The following TTL variants were observed in gnomAD, a reference collection of about 807,000 sequenced individuals.
TTL encodes the protein tubulin--tyrosine ligase.
A neutral mutation model predicts 41.1 loss-of-function variants in TTL; 10 were observed. The observed-to-expected ratio is 0.24, with a 90% confidence interval of 0.15 to 0.41. The LOEUF (loss-of-function observed/expected upper bound fraction) is 0.41. Ranked by LOEUF, TTL falls within the 10% of genes least tolerant of loss-of-function variation. The pLI is 1.00. For synonymous variants in TTL, 175 were observed against 175.5 expected (o/e 1.00, Z 0.02); for missense variants, 367 against 460.4 (o/e 0.80, Z 1.86).
At chr2:112,513,619 A>C (rs537397054) in intron 5 of TTL, among the ~76,000 whole-genome samples, 2 of 149,004 alleles carry the variant, frequency 1.3e-5, no homozygotes, top group African/African-American at 5.0e-5. Context: ...ATAAGTATAA[A>C]TATTTATACA....
chr2:112,499,822 C>T (rs1681642720), intron 3 of TTL, among the ~76,000 whole-genome samples: 1 of 152,006 alleles, frequency 6.6e-6, no homozygotes, highest in South Asian at 2.1e-4. Context: ...ACAGTAAGAC[C>T]CCAGCTCTAC....
chr2:112,503,959 C>T (rs1681772726), intron 5 of TTL, among the ~76,000 whole-genome samples: 1 of 80,342 alleles, frequency 1.2e-5, no homozygotes, highest in African/African-American at 4.8e-5. Context: ...GCTATCCCTC[C>T]CCCCTCCCCC....
Position 112,531,128 on chromosome 2 carries a change from C to T in TTL, c.*2333C>T, listed in dbSNP as rs1439113991. 1 of 211,010 alleles carries T rather than the reference C, an allele frequency of 4.7e-6. No homozygotes were observed. The highest frequency in any genetic ancestry group is 2.3e-5 in the African/African-American group (1 of 44,092). 13.1% of individuals were successfully genotyped at this position (211,010 alleles called of 1,614,324 possible). ...CTGAGTAGCTGAGACTACAGGTGCA[C>T]ACCACCAAGCCTGGCTTTATGTATT... is the stretch of plus-strand genomic sequence containing the variant. On this transcript the variant is annotated 3_prime_UTR_variant, in exon 7 of 7. Coordinates refer to ENST00000233336, the MANE Select transcript of TTL (RefSeq NM_153712.5).
intron 3 of TTL, among the ~76,000 whole-genome samples, chr2:112,500,952 C>T (rs567536609): frequency 9.3e-4 from 138 of 148,924 alleles, no homozygotes; most frequent in African/African-American, 3.3e-3. Context: ...TTCTGTAAAA[C>T]TGACGTTTCA....
chr2:112,490,983 C>A (rs542987358), intron 2 of TTL, among the ~76,000 whole-genome samples: 1 of 151,788 alleles, frequency 6.6e-6, no homozygotes, highest in Non-Finnish European at 1.5e-5. Flanking sequence ...TTTAAAATAT[C>A]TATACTATGA....
In TTL at chr2:112,531,778, T is replaced by A. The variant is rs1178115461; in HGVS notation, c.*2983T>A. 4.5e-6 allele frequency: 1 copy of A among 224,416 alleles called. No homozygotes were observed. Among genetic ancestry groups the A allele is most frequent in the African/African-American group, 2.2e-5 (1 of 44,928 alleles). 13.9% of individuals were successfully genotyped at this position (224,416 alleles called of 1,614,324 possible). A position where few individuals can be genotyped will look rare whatever the true frequency, so the allele number is the denominator to read the frequency against. On this transcript the variant is annotated 3_prime_UTR_variant, in exon 7 of 7. Transcript: ENST00000233336. ...ATTTATGGCACAAGCAGGTGTTGTC[T>A]AAGCAGTTTCTCTGTTTGCTTGTCA...
intron 2 of TTL, among the ~76,000 whole-genome samples, chr2:112,492,654 C>T (rs528014520): frequency 8.0e-4 from 121 of 152,072 alleles, no homozygotes; most frequent in Non-Finnish European, 1.5e-3. Flanking sequence ...GGCGTGAACC[C>T]AGGAGGCAGA....
At position 112,539,085 on chromosome 2, in the gene TTL, C is replaced by T. The variant is rs1265672874; in HGVS notation, c.*10290C>T. ...TGAGCCGAGATTGCGCCACTGCACT[C>T]CAGCCTGGGTGACAGAGACTCTGTC... On this transcript the variant is annotated 3_prime_UTR_variant, in exon 7 of 7. Transcript: ENST00000233336. The T allele has an allele frequency of 1.4e-5, 2 of 146,392 alleles. No homozygotes were observed. The highest frequency in any genetic ancestry group is 3.0e-5 in the Non-Finnish European group (2 of 67,558). 9.1% of individuals were successfully genotyped at this position (146,392 alleles called of 1,614,324 possible). A position where few individuals can be genotyped will look rare whatever the true frequency, so the allele number is the denominator to read the frequency against.
At chr2:112,517,789 A>G (rs1682110290) in intron 5 of TTL, among the ~76,000 whole-genome samples, 1 of 151,198 alleles carries the variant, frequency 6.6e-6, no homozygotes, top group South Asian at 2.1e-4. Context: ...AAAGTTACAA[A>G]AAAAATTAGC....
chr2:112,509,417 G>A (rs1387347121), intron 5 of TTL, among the ~76,000 whole-genome samples: 1 of 152,166 alleles, frequency 6.6e-6, no homozygotes, highest in African/African-American at 2.4e-5. Context: ...CCCCAGCCTC[G>A]TTGCTGCCTT....
At chr2:112,519,995 T>A (rs1371794579) in intron 5 of TTL, among the ~76,000 whole-genome samples, 1 of 151,840 alleles carries the variant, frequency 6.6e-6, no homozygotes, top group East Asian at 1.9e-4. Flanking sequence ...CTGGGTGCGG[T>A]GGCGCATGCC....
chr2:112,540,894 T>C lies in TTL; in HGVS notation c.*12099T>C, dbSNP rs1043689950. 1 of 152,198 alleles carries C rather than the reference T, an allele frequency of 6.6e-6. No homozygotes were observed. Among genetic ancestry groups the C allele is most frequent in the Admixed American group, 6.5e-5 (1 of 15,278 alleles). The allele number at this position is 152,198 out of a possible 1,614,324, so 9.4% of individuals were successfully genotyped here. ...ACTACAAAACTCTTAGTAGAAAATA[T>C]AGGTGAAAATCCCCATGATTGAAAA... On this transcript the variant is annotated 3_prime_UTR_variant, in exon 7 of 7. Coordinates refer to ENST00000233336, the MANE Select transcript of TTL (RefSeq NM_153712.5).
intron 5 of TTL, among the ~76,000 whole-genome samples, chr2:112,519,293 T>C (rs1331438385): frequency 6.6e-6 from 1 of 152,212 alleles, no homozygotes; most frequent in African/African-American, 2.4e-5. Flanking sequence ...AAGTTCCTTA[T>C]GTAATTATCT....
intron 3 of TTL, among the ~76,000 whole-genome samples, chr2:112,496,694 TGTGTGTGTGTGTGTA>T (rs1391864990): frequency 5.6e-5 from 8 of 143,674 alleles, no homozygotes; most frequent in East Asian, 2.1e-4. Context: ...TGTGTGTGTG[TGTGTGTGTGTGTGTA>T]TTTTTTTTTT....
chr2:112,535,830 A>G lies in TTL; in HGVS notation c.*7035A>G, dbSNP rs1682586736. On this transcript the variant is annotated 3_prime_UTR_variant, in exon 7 of 7. Transcript: ENST00000233336. Reference sequence around the variant, plus strand: ...TTTTATTTTTATTATTTAGAGACAGAGTCTTGCTCTGTTGCCTAGGTTGGA... The same window carrying G: ...TTTTATTTTTATTATTTAGAGACAGGGTCTTGCTCTGTTGCCTAGGTTGGA... 1 of 152,168 alleles carries G rather than the reference A, an allele frequency of 6.6e-6. No homozygotes were observed. Among genetic ancestry groups the G allele is most frequent in the Non-Finnish European group, 1.5e-5 (1 of 68,038 alleles). The allele number at this position is 152,168 out of a possible 1,614,324, so 9.4% of individuals were successfully genotyped here.
intron 5 of TTL, among the ~76,000 whole-genome samples, chr2:112,504,050 G>A (rs1681776081): frequency 1.5e-5 from 1 of 65,848 alleles, no homozygotes; most frequent in Non-Finnish European, 3.0e-5. Context: ...ACCTATGAGT[G>A]AGAATATGCG....
rs72946330 is a variant in TTL at position 112,485,711 on chromosome 2, A to G, written c.158-206A>G. 6.3e-3 allele frequency among the ~76,000 whole-genome samples: 963 copies of G among 152,310 alleles called. 12 individuals carry two copies. The highest frequency in any genetic ancestry group is 0.022 in the African/African-American group (917 of 41,558). ...TTGGCAAACCTACGATGTTGATATAATATCCACTGTGGGGAGAATGAAGGT... is the reference window on the plus strand; with the variant it reads ...TTGGCAAACCTACGATGTTGATATAGTATCCACTGTGGGGAGAATGAAGGT... On this transcript the variant is annotated intron_variant, in intron 1 of 6. Coordinates refer to ENST00000233336, the MANE Select transcript of TTL (RefSeq NM_153712.5).
Position 112,503,043 on chromosome 2 carries a change from A to G in TTL, c.737A>G (p.Gln246Arg). The G allele has an allele frequency of 6.2e-7, 1 of 1,614,128 alleles. No homozygotes were observed. The highest frequency in any genetic ancestry group is 8.5e-7 in the Non-Finnish European group (1 of 1,180,012). ...KTCHLTNHCI[Q>R]KEYSKNYGKY... The stretch of plus-strand genomic sequence containing the variant: ...TGCCATTTGACCAATCACTGCATTC[A>G]AAAAGAGTATTCAAAGAACTACGGG... Residue 246 changes from glutamine (Q) to arginine (R), a missense_variant, in exon 5 of 7, where the codon CAA (glutamine) becomes CGA (arginine). Coordinates refer to ENST00000233336, the MANE Select transcript of TTL (RefSeq NM_153712.5).
intron 3 of TTL, among the ~76,000 whole-genome samples, chr2:112,500,243 G>GT (rs1293673197): frequency 1.3e-5 from 2 of 149,852 alleles, no homozygotes; most frequent in Non-Finnish European, 3.0e-5. Flanking sequence ...AGGTACAAGA[G>GT]TTTTTTTGGG....
Sources: allele counts gnomAD v4.1 joint callset (sites outside exome capture counted in the v4.1 genomes callset), GRCh38; gene constraint gnomAD v4.1.1; transcripts MANE v1.5; gene names NCBI Gene and HGNC (gene_info 2026-07-23, HGNC 2026-07-21).